TCF25: variants seen among roughly 807,000 people sequenced by gnomAD.
TCF25 encodes ribosome quality control complex subunit TCF25.
A neutral mutation model predicts 83.1 loss-of-function variants in TCF25; 41 were observed. That is an observed-to-expected ratio of 0.49 (90% confidence interval 0.38 to 0.64). The LOEUF (loss-of-function observed/expected upper bound fraction) is 0.64, where lower values mean the gene tolerates loss of function less well. TCF25 is among the 30% of genes least tolerant of loss of function. The probability of loss-of-function intolerance (pLI) is 0.00; values close to 1 mark genes in which losing one functional copy is unlikely to be tolerated. For missense variants in TCF25, 979 were observed against 914.5 expected, an observed-to-expected ratio of 1.07 and a Z score of -0.91; for synonymous variants, 458 against 365.0, an observed-to-expected ratio of 1.25 and a Z score of -2.90.
At chr16:89,878,560 G>A (rs991848156) in intron 1 of TCF25, 42 of 1,199,628 alleles carry the variant, frequency 3.5e-5, no homozygotes, top group African/African-American at 1.3e-4. Flanking sequence ...AAGATCAGTC[G>A]TGGACAAGAA....
At chr16:89,884,474 A>G (rs2042834029) in intron 2 of TCF25, 108 bp from the exon 3 acceptor site, 2 of 1,100,578 alleles carry the variant, frequency 1.8e-6, no homozygotes, top group Non-Finnish European at 2.7e-6. Context: ...ACACGGAGGG[A>G]GAGGTAGGGG....
intron 1 of TCF25, among the ~76,000 whole-genome samples, chr16:89,882,461 C>T (rs2042679717): frequency 6.6e-6 from 1 of 152,186 alleles, no homozygotes; most frequent in African/African-American, 2.4e-5. Context: ...TGCTTGAACC[C>T]AGGAGGCCAA....
At chr16:89,892,312 G>A (rs202065356) in intron 6 of TCF25, 37 bp downstream of exon 6, 203 of 1,585,858 alleles carry the variant, frequency 1.3e-4, no homozygotes, top group Middle Eastern at 5.0e-4. Context: ...ATGGAGGGTT[G>A]GGGGGCGTTG....
intron 9 of TCF25, among the ~76,000 whole-genome samples, chr16:89,896,758 G>A (rs1299689310): frequency 6.6e-6 from 1 of 152,070 alleles, no homozygotes; most frequent in Admixed American, 6.6e-5. Flanking sequence ...GTTTCACTGT[G>A]TTGGCCAGGA....
intron 1 of TCF25, 21 bp downstream of exon 1, chr16:89,873,880 G>A: frequency 6.6e-7 from 1 of 1,509,112 alleles, no homozygotes; most frequent in Non-Finnish European, 8.9e-7. Flanking sequence ...CGGCGGCCCG[G>A]GTGGGGGTGG....
chr16:89,884,467 CGGAG>C lies in TCF25; in HGVS notation c.355-110_355-107del, dbSNP rs1382405954. Reference sequence around the variant, plus strand: ...GTGAGTTGAAGGAACTTTTGGGACACGGAGGGAGAGGTAGGGGCTGCTTAGGTGA... The same window carrying C: ...GTGAGTTGAAGGAACTTTTGGGACACGGAGAGGTAGGGGCTGCTTAGGTGA... On this transcript the variant is annotated intron_variant, in intron 2 of 17. Coordinates refer to ENST00000263346, the MANE Select transcript of TCF25 (RefSeq NM_014972.3). The C allele has an allele frequency of 3.9e-6, 4 of 1,038,624 alleles. No homozygotes were observed. The South Asian group carries it at 4.5e-5, about 12-fold the overall frequency. 64.3% of individuals were successfully genotyped at this position (1,038,624 alleles called of 1,614,324 possible).
At chr16:89,904,226 C>T (rs747902868) in intron 13 of TCF25, 21 bp downstream of exon 13, 2 of 1,553,968 alleles carry the variant, frequency 1.3e-6, no homozygotes, top group Non-Finnish European at 1.7e-6. Flanking sequence ...GCTGGTGGTG[C>T]CCATCTGTGG....
intron 9 of TCF25, among the ~76,000 whole-genome samples, chr16:89,898,222 G>T (rs1249292646): frequency 1.3e-5 from 2 of 152,278 alleles, no homozygotes; most frequent in East Asian, 1.9e-4. Flanking sequence ...ATCTCTGTGT[G>T]CTGGGCACGT....
At chr16:89,908,963 C>A in intron 16 of TCF25, 1 of 1,289,422 alleles carries the variant, frequency 7.8e-7, no homozygotes, top group South Asian at 1.2e-5. Context: ...TTTCCCCTCA[C>A]AGGAAGGGAG....
chr16:89,898,539 G>A lies in TCF25; in HGVS notation c.1023-18G>A. 6.3e-7 allele frequency: 1 copy of A among 1,589,394 alleles called. No homozygotes were observed. The highest frequency in any genetic ancestry group is 8.5e-7 in the Non-Finnish European group (1 of 1,171,512). On this transcript the variant is annotated intron_variant, in intron 9 of 17. Transcript: ENST00000263346. ...CCTTTGTGTCGTTGTAATTCATGTGGAACTATTTTGGATCTAGGAGCTTCT... is the reference window on the plus strand; with the variant it reads ...CCTTTGTGTCGTTGTAATTCATGTGAAACTATTTTGGATCTAGGAGCTTCT...
intron 1 of TCF25, among the ~76,000 whole-genome samples, chr16:89,875,649 A>G (rs1390209275): frequency 2.0e-5 from 3 of 149,282 alleles, no homozygotes; most frequent in Admixed American, 6.7e-5. Flanking sequence ...CAGCCTCCCA[A>G]GTAGCTGGGA....
intron 1 of TCF25, among the ~76,000 whole-genome samples, chr16:89,876,212 G>T (rs1271835224): frequency 2.0e-5 from 3 of 152,136 alleles, no homozygotes; most frequent in South Asian, 2.1e-4. Flanking sequence ...GAATTTCAGA[G>T]AATTTTATCC....
chr16:89,886,122 A>G, intron 4 of TCF25, 156 bp downstream of exon 4: 1 of 658,412 alleles, frequency 1.5e-6, no homozygotes, highest in South Asian at 1.5e-5. Context: ...TACTGTCTTT[A>G]TTTAAAAATC....
chr16:89,906,916 G>A (rs777928127), intron 15 of TCF25, among the ~76,000 whole-genome samples: 1 of 152,146 alleles, frequency 6.6e-6, no homozygotes, highest in African/African-American at 2.4e-5. Context: ...ATTTGCTGAA[G>A]TGGGAGCTTC....
At chr16:89,882,811 T>C (rs956579339) in intron 1 of TCF25, among the ~76,000 whole-genome samples, 12 of 152,186 alleles carry the variant, frequency 7.9e-5, no homozygotes, top group African/African-American at 2.4e-4. Flanking sequence ...GGTCTTGAAC[T>C]CCTGACCTCA....
chr16:89,906,745 G>C (rs1302540642), intron 15 of TCF25, among the ~76,000 whole-genome samples: 1 of 152,174 alleles, frequency 6.6e-6, no homozygotes, highest in East Asian at 1.9e-4. Context: ...GTCCACTGGG[G>C]ACAGCTTAGT....
At chr16:89,878,902 A>G (rs1288161666) in intron 1 of TCF25, among the ~76,000 whole-genome samples, 1 of 152,146 alleles carries the variant, frequency 6.6e-6, no homozygotes, top group Non-Finnish European at 1.5e-5. Context: ...CTGCCTCCCA[A>G]AGTGCTGGGA....
chr16:89,906,735 G>T (rs533758183), intron 15 of TCF25, among the ~76,000 whole-genome samples: 1 of 152,144 alleles, frequency 6.6e-6, no homozygotes, highest in Non-Finnish European at 1.5e-5. Context: ...ACCGTGGACC[G>T]TCCACTGGGG....
At chr16:89,898,366 T>C (rs57294984) in intron 9 of TCF25, among the ~76,000 whole-genome samples, 191 bp from the exon 10 acceptor site, 6,267 of 101,214 alleles carry the variant, frequency 0.062, 597 homozygotes, top group African/African-American at 0.26. Flanking sequence ...GGGTGTTGAC[T>C]GGGGCGCTGA....
Sources: allele counts gnomAD v4.1 joint callset (sites outside exome capture counted in the v4.1 genomes callset), GRCh38; gene constraint gnomAD v4.1.1; transcripts MANE v1.5; gene names NCBI Gene and HGNC (gene_info 2026-07-23, HGNC 2026-07-21).